The following FHIT variants were observed in gnomAD, a reference collection of about 807,000 sequenced individuals.
The protein encoded by FHIT is bis(5'-adenosyl)-triphosphatase.
In FHIT, 19 loss-of-function variants were observed where a neutral mutation model predicts 17.9. The observed-to-expected ratio is 1.06, with a 90% CI of 0.74 to 1.56. FHIT has a LOEUF of 1.56. FHIT is among the 40% of genes most tolerant of loss of function. FHIT has a pLI of 0.00. For synonymous variants in FHIT, 81 were observed against 69.7 expected (o/e 1.16, Z -0.81); for missense variants, 248 against 189.2 (o/e 1.31, Z -1.82).
At chr3:60,291,043 C>T (rs1304813582) in intron 5 of FHIT, among the ~76,000 whole-genome samples, 2 of 152,098 alleles carry the variant, frequency 1.3e-5, no homozygotes, top group Admixed American at 1.3e-4. Flanking sequence ...GAGACTAAAG[C>T]GGCCTCATTG....
At chr3:59,824,245 C>A (rs7624854) in intron 8 of FHIT, among the ~76,000 whole-genome samples, 2 of 151,708 alleles carry the variant, frequency 1.3e-5, no homozygotes, top group Non-Finnish European at 2.9e-5. Context: ...TACAGAAGGA[C>A]GGAGGGAGGT....
chr3:60,974,804 G>A (rs766692492), intron 3 of FHIT, among the ~76,000 whole-genome samples: 2 of 152,074 alleles, frequency 1.3e-5, no homozygotes, highest in South Asian at 4.1e-4. Context: ...ACATTTACAG[G>A]ATGCCCAAGA....
chr3:60,770,847 A>T (rs1044581384), intron 4 of FHIT, among the ~76,000 whole-genome samples: 1 of 152,202 alleles, frequency 6.6e-6, no homozygotes, highest in Admixed American at 6.5e-5. Flanking sequence ...CAAATGCCCC[A>T]TATCCTTTAA....
intron 5 of FHIT, among the ~76,000 whole-genome samples, chr3:60,031,686 T>C (rs138052544): frequency 1.0e-3 from 156 of 152,266 alleles, no homozygotes; most frequent in African/African-American, 3.7e-3. Flanking sequence ...TTTAAATCCC[T>C]AAAAATATAA....
At chr3:59,971,572 T>C (rs1575791860) in intron 7 of FHIT, among the ~76,000 whole-genome samples, 4 of 152,148 alleles carry the variant, frequency 2.6e-5, no homozygotes, top group South Asian at 2.1e-4. Flanking sequence ...ATTCCCTTCA[T>C]AACTAATGGG....
At position 60,926,112 on chromosome 3, in the gene FHIT, C is replaced by T. The variant is rs555973581; in HGVS notation, c.-110-104101G>A. Among the ~76,000 whole-genome samples the T allele has an allele frequency of 1.6e-4, 24 of 152,242 alleles. No individual in the cohort carries two copies. The South Asian group carries it at 2.9e-3, about 18-fold the overall frequency. On this transcript the variant is annotated intron_variant, in intron 3 of 9. Coordinates refer to ENST00000492590, the MANE Select transcript of FHIT (RefSeq NM_002012.4). ...ACTCCCACACAATAATAATGGGAGA[C>T]TTTAACAATCCACTGTCAACATTAG... is the stretch of plus-strand genomic sequence containing the variant.
intron 7 of FHIT, among the ~76,000 whole-genome samples, chr3:59,955,661 T>C (rs1463480331): frequency 6.6e-6 from 1 of 152,156 alleles, no homozygotes; most frequent in Non-Finnish European, 1.5e-5. Context: ...AACTTAGTTT[T>C]TCCTCACCTG....
At chr3:60,112,462 G>A (rs370323714) in intron 5 of FHIT, among the ~76,000 whole-genome samples, 17 of 152,140 alleles carry the variant, frequency 1.1e-4, no homozygotes, top group African/African-American at 3.6e-4. Flanking sequence ...CAACCATTTC[G>A]TAAAACTCAG....
intron 7 of FHIT, among the ~76,000 whole-genome samples, chr3:59,996,123 A>G (rs58024458): frequency 0.16 from 24,392 of 152,072 alleles, 2,107 homozygotes; most frequent in South Asian, 0.27. Context: ...GATGTGTGCT[A>G]AGCACTAAGC....
At chr3:60,939,136 C>A (rs1186292255) in intron 3 of FHIT, among the ~76,000 whole-genome samples, 1 of 152,108 alleles carries the variant, frequency 6.6e-6, no homozygotes, top group African/African-American at 2.4e-5. Flanking sequence ...CAAATGACAC[C>A]TTAACTTCTA....
At chr3:60,004,423 T>C (rs1699844358) in intron 7 of FHIT, among the ~76,000 whole-genome samples, 1 of 152,200 alleles carries the variant, frequency 6.6e-6, no homozygotes, top group African/African-American at 2.4e-5. Context: ...ACTAAAAGCA[T>C]ATAATTCTGC....
At chr3:60,228,696 C>T (rs78660210) in intron 5 of FHIT, among the ~76,000 whole-genome samples, 10,830 of 152,054 alleles carry the variant, frequency 0.071, 562 homozygotes, top group Middle Eastern at 0.12. Context: ...CAATTTATAG[C>T]GTGTTTTAAA....
intron 4 of FHIT, among the ~76,000 whole-genome samples, chr3:60,700,128 C>T (rs1473105454): frequency 1.9e-5 from 1 of 51,530 alleles, no homozygotes; most frequent in Non-Finnish European, 5.4e-5. Context: ...GAGAGTCTGT[C>T]TCAAAAAAAA....
chr3:60,000,317 T>C (rs1190479585), intron 7 of FHIT, among the ~76,000 whole-genome samples: 1 of 152,238 alleles, frequency 6.6e-6, no homozygotes, highest in Non-Finnish European at 1.5e-5. Flanking sequence ...AGGCCAAATT[T>C]GGCCCACCAT....
intron 4 of FHIT, among the ~76,000 whole-genome samples, chr3:60,642,627 G>T (rs1225973842): frequency 3.3e-5 from 5 of 152,146 alleles, no homozygotes; most frequent in Admixed American, 3.3e-4. Flanking sequence ...TTTCCATTGG[G>T]CTTTAACCAT....
chr3:59,884,562 C>T (rs17061331), intron 8 of FHIT, among the ~76,000 whole-genome samples: 5,978 of 152,228 alleles, frequency 0.039, 381 homozygotes, highest in African/African-American at 0.13. Flanking sequence ...TCCGTAAAAC[C>T]ATTTCCTATC....
At position 59,955,402 on chromosome 3, in the gene FHIT, G is replaced by A. The variant is rs1707342130; in HGVS notation, c.280-32988C>T. Among the ~76,000 whole-genome samples the A allele has an allele frequency of 1.3e-5, 2 of 152,278 alleles. 1 individual carries two copies. Among genetic ancestry groups the A allele is most frequent in the South Asian group, 4.1e-4 (2 of 4,822 alleles). On this transcript the variant is annotated intron_variant, in intron 7 of 9. Transcript: ENST00000492590. ...TCCAATTTCTAAATGTTGGCAAACT[G>A]CAAGAGCTCAATTCTATATCCTCTT...
chr3:60,680,864 G>A (rs2040730301), intron 4 of FHIT, among the ~76,000 whole-genome samples: 1 of 152,066 alleles, frequency 6.6e-6, no homozygotes, highest in South Asian at 2.1e-4. Flanking sequence ...TTTGCTTATT[G>A]TTGAAATCCC....
intron 2 of FHIT, among the ~76,000 whole-genome samples, chr3:61,135,222 G>A (rs964506737): frequency 5.3e-5 from 8 of 152,228 alleles, no homozygotes; most frequent in African/African-American, 1.7e-4. Context: ...AAGTGGCTTG[G>A]GAAGTTTTCT....
Sources: allele counts gnomAD v4.1 joint callset (sites outside exome capture counted in the v4.1 genomes callset), GRCh38; gene constraint gnomAD v4.1.1; transcripts MANE v1.5; gene names NCBI Gene and HGNC (gene_info 2026-07-23, HGNC 2026-07-21).